CCDC178: variants seen among roughly 807,000 people sequenced by gnomAD.
CCDC178 encodes coiled-coil domain-containing protein 178.
In CCDC178, 126 loss-of-function variants were observed where a neutral mutation model predicts 117.4. The observed-to-expected ratio is 1.07, with a 90% confidence interval of 0.93 to 1.24. The LOEUF (loss-of-function observed/expected upper bound fraction) is 1.24, where lower values mean the gene tolerates loss of function less well. Ranked by LOEUF, CCDC178 falls within the 50% of genes most tolerant of loss-of-function variation. The pLI is 0.00. For synonymous variants in CCDC178, 283 were observed against 313.4 expected, an observed-to-expected ratio of 0.90 and a Z score of 1.02; for missense variants, 1,030 against 986.9, an observed-to-expected ratio of 1.04 and a Z score of -0.59.
intron 11 of CCDC178, among the ~76,000 whole-genome samples, chr18:33,294,086 T>TA (rs1312287446): frequency 1.3e-5 from 2 of 152,134 alleles, no homozygotes; most frequent in African/African-American, 4.8e-5. Flanking sequence ...CAGGGCTTTT[T>TA]AAAAAGAAGT....
chr18:33,264,128 TA>T (rs1434859731), intron 14 of CCDC178, among the ~76,000 whole-genome samples: 2 of 151,912 alleles, frequency 1.3e-5, no homozygotes, highest in African/African-American at 4.8e-5. Flanking sequence ...GAAAAGCAAA[TA>T]AAACTTTAGG....
intron 21 of CCDC178, among the ~76,000 whole-genome samples, chr18:33,064,688 T>A (rs1202795353): frequency 6.6e-6 from 1 of 152,218 alleles, no homozygotes; most frequent in African/African-American, 2.4e-5. Context: ...AGAACTGTTA[T>A]ATAATCCAGC....
chr18:33,310,609 C>T (rs2062327473), intron 11 of CCDC178, among the ~76,000 whole-genome samples: 2 of 151,896 alleles, frequency 1.3e-5, no homozygotes, highest in South Asian at 4.2e-4. Context: ...TTGCTTGAGC[C>T]CAGGAGGTGG....
At chr18:33,419,816 G>A (rs1039898410) in intron 2 of CCDC178, among the ~76,000 whole-genome samples, 4 of 151,838 alleles carry the variant, frequency 2.6e-5, no homozygotes, top group Non-Finnish European at 4.4e-5. Flanking sequence ...AAAAGGAAAC[G>A]CTTATGCATT....
At chr18:33,322,880 A>G (rs929561873) in intron 11 of CCDC178, among the ~76,000 whole-genome samples, 1 of 151,356 alleles carries the variant, frequency 6.6e-6, no homozygotes, top group Non-Finnish European at 1.5e-5. Context: ...AAATTCTTTT[A>G]TACTAAATCA....
intron 2 of CCDC178, among the ~76,000 whole-genome samples, chr18:33,434,209 C>T (rs997142584): frequency 6.6e-6 from 1 of 151,860 alleles, no homozygotes; most frequent in African/African-American, 2.4e-5. Context: ...ATAATAACAC[C>T]CACTAAGAAA....
intron 11 of CCDC178, 75 bp from the exon 12 acceptor site, chr18:33,293,387 T>G: frequency 1.1e-6 from 1 of 925,988 alleles, no homozygotes; most frequent in Non-Finnish European, 1.5e-6. Context: ...TAGGCCAGGC[T>G]TGGTGGCTCA....
chr18:33,340,974 C>T (rs2062809872), intron 9 of CCDC178, among the ~76,000 whole-genome samples: 1 of 152,162 alleles, frequency 6.6e-6, no homozygotes, highest in Non-Finnish European at 1.5e-5. Context: ...CCTCCAGAGT[C>T]CAGAATGGTA....
chr18:33,307,395 C>T (rs995204878), intron 11 of CCDC178, among the ~76,000 whole-genome samples: 1 of 152,138 alleles, frequency 6.6e-6, no homozygotes, highest in Non-Finnish European at 1.5e-5. Flanking sequence ...GGCTTTTTGG[C>T]CCTGCCATAG....
intron 2 of CCDC178, among the ~76,000 whole-genome samples, chr18:33,431,762 A>G (rs115596422): frequency 0.01 from 1,530 of 152,294 alleles, 32 homozygotes; most frequent in African/African-American, 0.035. Flanking sequence ...TGAATTATTA[A>G]TTGCATCTGT....
At chr18:33,092,365 T>C (rs185225145) in intron 21 of CCDC178, among the ~76,000 whole-genome samples, 3 of 152,160 alleles carry the variant, frequency 2.0e-5, no homozygotes, top group Non-Finnish European at 4.4e-5. Flanking sequence ...TCTCCATATC[T>C]AATAAGAAAA....
intron 11 of CCDC178, among the ~76,000 whole-genome samples, chr18:33,294,820 T>G (rs1230671179): frequency 6.6e-6 from 1 of 152,200 alleles, no homozygotes; most frequent in Non-Finnish European, 1.5e-5. Context: ...GACTTTTGCC[T>G]GAGTGATGGA....
chr18:33,249,002 T>C (rs1388464456), intron 14 of CCDC178, among the ~76,000 whole-genome samples: 1 of 152,176 alleles, frequency 6.6e-6, no homozygotes. Flanking sequence ...TTGATTTGCA[T>C]TTCTCTGATG....
At chr18:33,414,244 A>G (rs767040294) in intron 2 of CCDC178, among the ~76,000 whole-genome samples, 11 of 152,206 alleles carry the variant, frequency 7.2e-5, no homozygotes, top group Non-Finnish European at 1.3e-4. Context: ...GAAAACTGCC[A>G]TAACTGCAAT....
chr18:33,275,103 T>C (rs954014355), intron 12 of CCDC178, among the ~76,000 whole-genome samples: 10 of 151,862 alleles, frequency 6.6e-5, no homozygotes, highest in Non-Finnish European at 1.0e-4. Context: ...AAGTGGCTAA[T>C]AAGAAAAAAA....
chr18:33,292,614 C>A (rs1022720542), intron 12 of CCDC178, among the ~76,000 whole-genome samples: 1 of 151,960 alleles, frequency 6.6e-6, no homozygotes, highest in Non-Finnish European at 1.5e-5. Context: ...ACAAAGAATG[C>A]TGAATGTTAC....
intron 9 of CCDC178, among the ~76,000 whole-genome samples, chr18:33,338,348 T>C (rs2062770082): frequency 6.6e-6 from 1 of 152,136 alleles, no homozygotes; most frequent in African/African-American, 2.4e-5. Context: ...AGTGTGGAGA[T>C]TGCTTAAAGA....
At chr18:33,022,566 T>C (rs774367596) in intron 21 of CCDC178, among the ~76,000 whole-genome samples, 13 of 152,070 alleles carry the variant, frequency 8.5e-5, no homozygotes, top group Non-Finnish European at 1.8e-4. Context: ...CAGCAACCAC[T>C]AGTAAAGCTA....
At chr18:33,330,663 C>A (rs2062655354) in intron 10 of CCDC178, among the ~76,000 whole-genome samples, 1 of 152,076 alleles carries the variant, frequency 6.6e-6, no homozygotes, top group Admixed American at 6.5e-5. Context: ...AAGGACAAGG[C>A]TCACACTATT....
Sources: gnomAD v4.1 joint callset for allele counts (sites outside exome capture counted in the v4.1 genomes callset) on GRCh38, gnomAD v4.1.1 for gene constraint, MANE v1.5 for transcripts, NCBI Gene and HGNC (gene_info 2026-07-23, HGNC 2026-07-21) for gene names.